CHRNA7: variants seen among roughly 807,000 people sequenced by gnomAD.
CHRNA7 encodes neuronal acetylcholine receptor subunit alpha-7.
Under a neutral mutation model 48.0 loss-of-function variants are expected in CHRNA7, and 17 were observed. The ratio of observed to expected loss-of-function variants is 0.35; its 90% CI spans 0.24 to 0.53. The LOEUF (loss-of-function observed/expected upper bound fraction) is 0.53, where lower values mean the gene tolerates loss of function less well. Among genes scored for constraint, CHRNA7 ranks in the 20% least tolerant of loss-of-function variants. CHRNA7 has a pLI of 0.92. For synonymous variants in CHRNA7, 75 were observed against 242.3 expected, an observed-to-expected ratio of 0.31 and a Z score of 6.41; for missense variants, 155 against 577.7, an observed-to-expected ratio of 0.27 and a Z score of 7.50.
At chr15:32,063,488 G>T (rs28566692) in intron 2 of CHRNA7, among the ~76,000 whole-genome samples, 5,541 of 152,312 alleles carry the variant, frequency 0.036, 136 homozygotes, top group Middle Eastern at 0.099. Context: ...TTCTGTCTCT[G>T]TGGAGACCAG....
intron 2 of CHRNA7, among the ~76,000 whole-genome samples, chr15:32,093,445 C>T (rs1054190004): frequency 1.3e-5 from 2 of 152,222 alleles, no homozygotes; most frequent in African/African-American, 2.4e-5. Flanking sequence ...GGAGTCCACC[C>T]AGCGAGAACC....
chr15:32,132,283 A>T lies in CHRNA7; in HGVS notation c.350+20384A>T, dbSNP rs949777300. On this transcript the variant is annotated intron_variant, in intron 4 of 9. Coordinates refer to ENST00000306901, the MANE Select transcript of CHRNA7 (RefSeq NM_000746.6). ...GTACCTGTTGGGGTTTTTTTGGTGC[A>T]TTCTTCTCCAGAACCCAGTTTGGAA... Among the ~76,000 whole-genome samples the T allele has an allele frequency of 1.3e-4, 20 of 152,020 alleles. 1 individual carries two copies. Among genetic ancestry groups the T allele is most frequent in the African/African-American group, 4.1e-4 (17 of 41,360 alleles).
chr15:32,115,178 A>G (rs1014571706), intron 4 of CHRNA7, among the ~76,000 whole-genome samples: 6 of 152,162 alleles, frequency 3.9e-5, no homozygotes, highest in Admixed American at 2.6e-4. Flanking sequence ...CAGCACCCCT[A>G]TCTAGGGCAA....
chr15:32,107,710 C>T (rs73369024), intron 3 of CHRNA7, among the ~76,000 whole-genome samples: 10,837 of 152,168 alleles, frequency 0.071, 1,303 homozygotes, highest in African/African-American at 0.25. Context: ...TCGCCAGTGG[C>T]CACCTTCCCT....
intron 4 of CHRNA7, among the ~76,000 whole-genome samples, chr15:32,137,096 A>G (rs959638161): frequency 6.6e-6 from 1 of 151,828 alleles, no homozygotes; most frequent in African/African-American, 2.4e-5. Context: ...AAGGAGGAAG[A>G]AGTCAAAAGC....
chr15:32,073,690 C>G (rs1323335654), intron 2 of CHRNA7, among the ~76,000 whole-genome samples: 1 of 152,100 alleles, frequency 6.6e-6, no homozygotes, highest in Non-Finnish European at 1.5e-5. Flanking sequence ...GCTCTCCCCA[C>G]TGTAATAAGT....
In CHRNA7 at chr15:32,062,627, A is replaced by G. The variant is rs577685331; in HGVS notation, c.195+31590A>G. On this transcript the variant is annotated intron_variant, in intron 2 of 9. Transcript: ENST00000306901. ...TCTGTTCTGCAGCTGTCAGACTGAT[A>G]TTTTCTTTTATGATTGCCTTTTGTC... Among the ~76,000 whole-genome samples, 73 of 152,152 alleles carry G rather than the reference A, an allele frequency of 4.8e-4. No individual in the cohort carries two copies. In the South Asian group the frequency reaches 0.014, roughly 30 times the overall value.
chr15:32,072,489 C>G (rs943525888), intron 2 of CHRNA7, among the ~76,000 whole-genome samples: 1 of 152,156 alleles, frequency 6.6e-6, no homozygotes, highest in African/African-American at 2.4e-5. Context: ...CAACTTCTCC[C>G]AAAAGAGATT....
chr15:32,061,352 C>G (rs1162579239), intron 2 of CHRNA7, among the ~76,000 whole-genome samples: 1 of 152,172 alleles, frequency 6.6e-6, no homozygotes, highest in Non-Finnish European at 1.5e-5. Flanking sequence ...TGCTCAAGGT[C>G]TGGTTCAAAT....
At chr15:32,133,324 G>A (rs746501025) in intron 4 of CHRNA7, among the ~76,000 whole-genome samples, 5 of 152,246 alleles carry the variant, frequency 3.3e-5, no homozygotes, top group Admixed American at 6.5e-5. Context: ...GCTCCTTCAC[G>A]TCCATTTATC....
intron 2 of CHRNA7, chr15:32,098,871 A>AACATACACACACAC: frequency 7.4e-6 from 1 of 134,786 alleles, no homozygotes; most frequent in East Asian, 2.2e-4. Context: ...CCCCCCCACC[A>AACATACACACACAC]ACACACACAC....
At chr15:32,068,678 G>A (rs28386472) in intron 2 of CHRNA7, among the ~76,000 whole-genome samples, 3,673 of 150,626 alleles carry the variant, frequency 0.024, 137 homozygotes, top group African/African-American at 0.083. Context: ...AGCCGAGATC[G>A]CACCACTGCA....
At chr15:32,030,854 G>A (rs963822430) in intron 1 of CHRNA7, 44 bp from the exon 2 acceptor site, 2 of 1,596,106 alleles carry the variant, frequency 1.3e-6, no homozygotes, top group African/African-American at 1.3e-5. Context: ...GGGTACCCCC[G>A]CCGGCCTGCC....
intron 2 of CHRNA7, among the ~76,000 whole-genome samples, chr15:32,052,714 C>T (rs552280453): frequency 1.3e-5 from 2 of 151,750 alleles, no homozygotes; most frequent in South Asian, 2.1e-4. Flanking sequence ...GGTGACAGAG[C>T]GAGACTCCAT....
In CHRNA7 at chr15:32,114,635, A is replaced by G. The variant is rs557832447; in HGVS notation, c.350+2736A>G. Among the ~76,000 whole-genome samples, 4 of 152,346 alleles carry G rather than the reference A, an allele frequency of 2.6e-5. No homozygotes were observed. In the East Asian group the frequency reaches 7.7e-4, roughly 29 times the overall value. On this transcript the variant is annotated intron_variant, in intron 4 of 9. Coordinates refer to ENST00000306901, the MANE Select transcript of CHRNA7 (RefSeq NM_000746.6). Reference sequence around the variant, plus strand: ...CTAAATATATTTTGAAGTAACTGCTAAATATATGGCCCGCAGGTCCACATG... The same window carrying G: ...CTAAATATATTTTGAAGTAACTGCTGAATATATGGCCCGCAGGTCCACATG...
At chr15:32,085,212 C>G (rs1035361009) in intron 2 of CHRNA7, among the ~76,000 whole-genome samples, 1 of 152,134 alleles carries the variant, frequency 6.6e-6, no homozygotes, top group African/African-American at 2.4e-5. Flanking sequence ...TTAGGAGCAT[C>G]TGCAAACTTA....
intron 3 of CHRNA7, among the ~76,000 whole-genome samples, chr15:32,110,871 A>C (rs928082306): frequency 1.3e-5 from 2 of 152,214 alleles, no homozygotes; most frequent in African/African-American, 2.4e-5. Context: ...GGTGCATCAC[A>C]TACCTTTCTG....
At chr15:32,130,869 G>GT (rs1214033741) in intron 4 of CHRNA7, among the ~76,000 whole-genome samples, 3 of 151,662 alleles carry the variant, frequency 2.0e-5, no homozygotes, top group East Asian at 1.9e-4. Context: ...ATTTCTCTTA[G>GT]TTTTTTCTTC....
chr15:32,092,389 T>G (rs2050398149), intron 2 of CHRNA7, among the ~76,000 whole-genome samples: 1 of 152,342 alleles, frequency 6.6e-6, no homozygotes, highest in South Asian at 2.1e-4. Flanking sequence ...CCCTTCTTAT[T>G]TGGGCTTTTT....
Sources: gnomAD v4.1 joint callset for allele counts (sites outside exome capture counted in the v4.1 genomes callset) on GRCh38, gnomAD v4.1.1 for gene constraint, MANE v1.5 for transcripts, NCBI Gene and HGNC (gene_info 2026-07-23, HGNC 2026-07-21) for gene names.